TXNRD3: variants seen among roughly 807,000 people sequenced by gnomAD.
TXNRD3 encodes the protein TXNRD3 neighbor gene protein.
Under a neutral mutation model 78.2 loss-of-function variants are expected in TXNRD3, and 68 were observed. The ratio of observed to expected loss-of-function variants is 0.87; its 90% CI spans 0.72 to 1.06. The LOEUF is 1.06. Ranked by LOEUF, TXNRD3 falls within the 50% of genes least tolerant of loss-of-function variation. TXNRD3 has a pLI of 0.00. For missense variants in TXNRD3, 751 were observed against 809.5 expected, an observed-to-expected ratio of 0.93 and a Z score of 0.88; for synonymous variants, 296 against 300.1, an observed-to-expected ratio of 0.99 and a Z score of 0.14.
At chr3:126,615,872 G>A (rs1938308157) in intron 12 of TXNRD3, among the ~76,000 whole-genome samples, 1 of 152,216 alleles carries the variant, frequency 6.6e-6, no homozygotes, top group Non-Finnish European at 1.5e-5. Flanking sequence ...TGGAAGCTGA[G>A]ACCACCTCTT....
At position 126,631,789 on chromosome 3, in the gene TXNRD3, C is replaced by T. The variant is rs1463286608; in HGVS notation, c.946G>A (p.Gly316Arg). The change falls in exon 8 of 16, where the codon GGA (glycine) becomes AGA (arginine). Residue 316 changes from glycine to arginine, a missense_variant. Coordinates refer to ENST00000524230, the MANE Select transcript of TXNRD3 (RefSeq NM_052883.3). The stretch of plus-strand genomic sequence containing the variant: ...CTAGTAATACAGTATTCTTTATCTC[C>T]TTGGATTCCTAAATACCGTGGCCTT... The T allele has an allele frequency of 1.3e-6, 2 of 1,535,018 alleles. No individual in the cohort carries two copies. Among genetic ancestry groups the T allele is most frequent in the Middle Eastern group, 1.7e-4 (1 of 5,988 alleles).
intron 12 of TXNRD3, among the ~76,000 whole-genome samples, chr3:126,620,038 G>C (rs1938412702): frequency 2.6e-5 from 4 of 152,300 alleles, no homozygotes; most frequent in Middle Eastern, 3.4e-3. Flanking sequence ...GCTCATGCCT[G>C]TAATCCCAGC....
At chr3:126,626,503 G>T (rs1181169082) in intron 10 of TXNRD3, among the ~76,000 whole-genome samples, 1 of 152,132 alleles carries the variant, frequency 6.6e-6, no homozygotes, top group Admixed American at 6.5e-5. Context: ...ACACTTCAAA[G>T]AAAATATACA....
chr3:126,609,194 G>A (rs1013590503), intron 14 of TXNRD3: 11 of 430,856 alleles, frequency 2.6e-5, no homozygotes, highest in Non-Finnish European at 4.7e-5. Context: ...TGCATTCTAG[G>A]CTGTCCATTT....
intron 12 of TXNRD3, among the ~76,000 whole-genome samples, chr3:126,620,988 A>G (rs1938436269): frequency 6.6e-6 from 1 of 152,126 alleles, no homozygotes; most frequent in Admixed American, 6.5e-5. Context: ...CTCCTAACAG[A>G]GCTGAGCAGT....
chr3:126,615,727 GAAGT>G (rs1273044981), intron 12 of TXNRD3, among the ~76,000 whole-genome samples: 9 of 152,096 alleles, frequency 5.9e-5, no homozygotes, highest in African/African-American at 2.2e-4. Flanking sequence ...CTAAGAACCA[GAAGT>G]AAGAGGTGGA....
At chr3:126,649,734 A>C (rs1933327066) in intron 1 of TXNRD3, among the ~76,000 whole-genome samples, 1 of 152,256 alleles carries the variant, frequency 6.6e-6, no homozygotes, top group Non-Finnish European at 1.5e-5. Context: ...AAGTGAAATA[A>C]ACTGGACACA....
chr3:126,638,178 C>T (rs1932954532), intron 6 of TXNRD3, among the ~76,000 whole-genome samples: 1 of 152,032 alleles, frequency 6.6e-6, no homozygotes, highest in Admixed American at 6.5e-5. Flanking sequence ...CTCCTGACCT[C>T]GTGATCCGCC....
chr3:126,634,729 A>G (rs1938811556), intron 6 of TXNRD3, among the ~76,000 whole-genome samples: 1 of 152,222 alleles, frequency 6.6e-6, no homozygotes, highest in South Asian at 2.1e-4. Context: ...GTGCAGCTCT[A>G]TGTTTATAAG....
At chr3:126,621,642 A>G in intron 12 of TXNRD3, 100 bp downstream of exon 12, 2 of 1,149,328 alleles carry the variant, frequency 1.7e-6, no homozygotes, top group Non-Finnish European at 2.4e-6. Context: ...TCTCTGAGGA[A>G]CCCTTTACTT....
At position 126,633,987 on chromosome 3, in the gene TXNRD3, G is replaced by A. The variant is rs985972344; in HGVS notation, c.777C>T (p.Gly259=). 49 of 1,527,760 alleles carry A rather than the reference G, an allele frequency of 3.2e-5. No individual in the cohort carries two copies. The highest frequency in any genetic ancestry group is 3.8e-5 in the Non-Finnish European group (43 of 1,142,096). The allele number at this position is 1,527,760 out of a possible 1,614,324, so 94.6% of individuals were successfully genotyped here. The change falls in exon 7 of 16, where the codon GGC becomes GGT. Residue 259 remains glycine (G), a synonymous_variant. Transcript: ENST00000524230. The stretch of plus-strand genomic sequence containing the variant: ...CCTTTTCCCTCAGAGACAACCTGTA[G>A]CCCCAGTTTAGAGAGCTGATGTGGT...
intron 10 of TXNRD3, among the ~76,000 whole-genome samples, chr3:126,624,457 G>A (rs1306753506): frequency 1.3e-5 from 2 of 150,014 alleles, no homozygotes; most frequent in Non-Finnish European, 3.0e-5. Flanking sequence ...GTCTTGCTCT[G>A]GCACCCAGGC....
At chr3:126,608,840 T>C (rs1398680011) in intron 14 of TXNRD3, among the ~76,000 whole-genome samples, 1 of 152,136 alleles carries the variant, frequency 6.6e-6, no homozygotes, top group Non-Finnish European at 1.5e-5. Context: ...CAGAGTTAAT[T>C]TGCACTCAAA....
At chr3:126,633,715 A>G (rs557614627) in intron 7 of TXNRD3, among the ~76,000 whole-genome samples, 194 bp downstream of exon 7, 31 of 152,306 alleles carry the variant, frequency 2.0e-4, no homozygotes, top group African/African-American at 7.2e-4. Flanking sequence ...TTAAAACACA[A>G]TTTCTTCAAG....
At chr3:126,633,286 C>A (rs1008794119) in intron 7 of TXNRD3, among the ~76,000 whole-genome samples, 1 of 152,154 alleles carries the variant, frequency 6.6e-6, no homozygotes, top group African/African-American at 2.4e-5. Flanking sequence ...ATACCTCACA[C>A]ATTTCTGAGA....
chr3:126,631,484 T>C (rs1436182068), intron 8 of TXNRD3, among the ~76,000 whole-genome samples: 1 of 152,086 alleles, frequency 6.6e-6, no homozygotes, highest in Non-Finnish European at 1.5e-5. Context: ...TACTTCTTTG[T>C]TTTGGCCTGT....
intron 1 of TXNRD3, among the ~76,000 whole-genome samples, chr3:126,652,110 ACT>A (rs773799458): frequency 6.6e-6 from 1 of 152,038 alleles, no homozygotes; most frequent in Non-Finnish European, 1.5e-5. Context: ...GGTTCTGTAG[ACT>A]CTACAGGAAG....
intron 10 of TXNRD3, among the ~76,000 whole-genome samples, chr3:126,628,320 GTAC>G (rs1938627325): frequency 6.6e-6 from 1 of 151,724 alleles, no homozygotes; most frequent in Admixed American, 6.6e-5. Context: ...TGTCAGGACT[GTAC>G]TGGAGGTCCT....
At chr3:126,637,335 A>G (rs1409393999) in intron 6 of TXNRD3, among the ~76,000 whole-genome samples, 2 of 151,922 alleles carry the variant, frequency 1.3e-5, no homozygotes, top group African/African-American at 2.4e-5. Flanking sequence ...CCTTAATTGG[A>G]TTTGCCAAAC....
Sources: allele counts gnomAD v4.1 joint callset (sites outside exome capture counted in the v4.1 genomes callset), GRCh38; gene constraint gnomAD v4.1.1; transcripts MANE v1.5; gene names NCBI Gene and HGNC (gene_info 2026-07-23, HGNC 2026-07-21).